ITCH: variants seen among roughly 807,000 people sequenced by gnomAD.
The protein encoded by ITCH is itchy E3 ubiquitin protein ligase, also known as E3 ubiquitin-protein ligase Itchy homolog.
Under a neutral mutation model 126.8 loss-of-function variants are expected in ITCH, and 28 were observed. The ratio of observed to expected loss-of-function variants is 0.22; its 90% confidence interval spans 0.16 to 0.30. The LOEUF (loss-of-function observed/expected upper bound fraction) is 0.30. ITCH is among the 10% of genes least tolerant of loss of function. The pLI, the probability that ITCH is intolerant of heterozygous loss-of-function variation, is 1.00. For synonymous variants in ITCH, 342 were observed against 340.0 expected, an observed-to-expected ratio of 1.01 and a Z score of -0.06; for missense variants, 631 against 1,032.4, an observed-to-expected ratio of 0.61 and a Z score of 5.33.
In ITCH at chr20:34,511,555, G is replaced by A. The variant is rs369768302; in HGVS notation, c.*3761G>A. ...CATCTGGATTGTGGTATTGTTCCCA[G>A]ACCAAATCAAGGGTTGGACTGCTTA... On this transcript the variant is annotated 3_prime_UTR_variant, in exon 25 of 25. Transcript: ENST00000374864. Among the ~76,000 whole-genome samples the A allele has an allele frequency of 2.0e-5, 3 of 152,090 alleles. No homozygotes were observed. Among genetic ancestry groups the A allele is most frequent in the African/African-American group, 4.8e-5 (2 of 41,416 alleles).
chr20:34,416,839 C>T (rs962720958), intron 6 of ITCH, among the ~76,000 whole-genome samples: 6 of 151,808 alleles, frequency 4.0e-5, no homozygotes, highest in Admixed American at 1.3e-4. Flanking sequence ...ATGGTGTTTT[C>T]CTTCAATGAA....
intron 12 of ITCH, among the ~76,000 whole-genome samples, chr20:34,456,982 A>C (rs1333061506): frequency 6.6e-6 from 1 of 151,328 alleles, no homozygotes; most frequent in Non-Finnish European, 1.5e-5. Flanking sequence ...CTTAATTCTG[A>C]GGTTTCAGGT....
chr20:34,492,721 T>G, intron 23 of ITCH, 124 bp downstream of exon 23: 2 of 730,188 alleles, frequency 2.7e-6, no homozygotes, highest in Admixed American at 3.9e-5. Context: ...CTATTCCCAG[T>G]TAGCATGGAT....
At chr20:34,424,110 T>C (rs1165043386) in intron 6 of ITCH, among the ~76,000 whole-genome samples, 1 of 152,216 alleles carries the variant, frequency 6.6e-6, no homozygotes, top group Non-Finnish European at 1.5e-5. Context: ...TCGATTTTAT[T>C]CTGCTGGCGA....
chr20:34,391,264 C>T (rs1294172119), intron 2 of ITCH, among the ~76,000 whole-genome samples: 3 of 152,152 alleles, frequency 2.0e-5, no homozygotes, highest in South Asian at 2.1e-4. Context: ...CCTATGACCA[C>T]GTACTTGAGT....
intron 16 of ITCH, chr20:34,476,060 C>G: frequency 8.1e-7 from 1 of 1,227,664 alleles, no homozygotes; most frequent in Non-Finnish European, 1.2e-6. Flanking sequence ...TATGCCAGAT[C>G]GAGCATGTGA....
rs544403958 is a variant in ITCH at position 34,482,156 on chromosome 20, G to T, written c.2093+950G>T. Among the ~76,000 whole-genome samples, 10 of 152,286 alleles carry T rather than the reference G, an allele frequency of 6.6e-5. No homozygotes were observed. In the South Asian group the frequency reaches 2.1e-3, roughly 32 times the overall value. ...CTCTCTTACAACACATGGGAATTAT[G>T]GGAGCTACAAGGTGAGATTTGGGTG... is the stretch of plus-strand genomic sequence containing the variant. On this transcript the variant is annotated intron_variant, in intron 20 of 24. Coordinates refer to ENST00000374864, the MANE Select transcript of ITCH (RefSeq NM_031483.7).
chr20:34,377,808 A>G (rs1036177316), intron 2 of ITCH, among the ~76,000 whole-genome samples: 1 of 151,688 alleles, frequency 6.6e-6, no homozygotes, highest in Admixed American at 6.6e-5. Context: ...TCAAGACTGC[A>G]GTGATTTACC....
At chr20:34,439,162 C>T (rs1239551421) in intron 8 of ITCH, among the ~76,000 whole-genome samples, 2 of 152,202 alleles carry the variant, frequency 1.3e-5, no homozygotes, top group Non-Finnish European at 2.9e-5. Flanking sequence ...TTTCTCTCTG[C>T]TAATATGTGG....
At chr20:34,476,387 AC>A in intron 16 of ITCH, 1 of 1,270,750 alleles carries the variant, frequency 7.9e-7, no homozygotes, top group Non-Finnish European at 9.9e-7. Context: ...CCAGCGCGGG[AC>A]CCGGCGTGGT....
intron 2 of ITCH, among the ~76,000 whole-genome samples, chr20:34,379,251 A>G (rs1037567706): frequency 6.6e-6 from 1 of 152,108 alleles, no homozygotes; most frequent in African/African-American, 2.4e-5. Context: ...TTGATTTTAT[A>G]TAGAAATTGA....
At chr20:34,456,204 ATATATATATATT>A (rs1985951487) in intron 12 of ITCH, among the ~76,000 whole-genome samples, 1 of 30,930 alleles carries the variant, frequency 3.2e-5, no homozygotes, top group African/African-American at 1.6e-4. Flanking sequence ...ATATATATAT[ATATATATATATT>A]TTTTTTTTTT....
chr20:34,493,156 ATTTCC>A (rs1989633249), intron 23 of ITCH, among the ~76,000 whole-genome samples: 1 of 152,248 alleles, frequency 6.6e-6, no homozygotes, highest in African/African-American at 2.4e-5. Flanking sequence ...AAATTCAAGT[ATTTCC>A]TTAATACCAA....
At chr20:34,442,880 GC>G (rs1247019078) in intron 10 of ITCH, among the ~76,000 whole-genome samples, 1 of 151,178 alleles carries the variant, frequency 6.6e-6, no homozygotes, top group African/African-American at 2.4e-5. Context: ...GGAGGCTGAG[GC>G]AGGAGAATGG....
Position 34,369,419 on chromosome 20 carries a change from G to T in ITCH, c.-73G>T, listed in dbSNP as rs1028037948. 1.8e-5 allele frequency: 7 copies of T among 398,952 alleles called. No individual in the cohort carries two copies. The highest frequency in any genetic ancestry group is 3.1e-5 in the Non-Finnish European group (7 of 226,094). 24.7% of individuals were successfully genotyped at this position (398,952 alleles called of 1,614,324 possible). A position where few individuals can be genotyped will look rare whatever the true frequency, so the allele number is the denominator to read the frequency against. ...GTACCATGCATTTCACGGTGGCCTT[G>T]TGGAGACAACGCCTTAACCCAAGGA... On this transcript the variant is annotated 5_prime_UTR_variant, in exon 2 of 25. Coordinates refer to ENST00000374864, the MANE Select transcript of ITCH (RefSeq NM_031483.7).
intron 12 of ITCH, among the ~76,000 whole-genome samples, chr20:34,451,980 G>A (rs146002169): frequency 1.3e-5 from 2 of 149,872 alleles, no homozygotes; most frequent in African/African-American, 4.9e-5. Context: ...GAGGTGGGAG[G>A]ATCACCTGAG....
chr20:34,446,959 A>G (rs952184799), intron 11 of ITCH, among the ~76,000 whole-genome samples: 4 of 152,218 alleles, frequency 2.6e-5, no homozygotes, highest in Non-Finnish European at 4.4e-5. Flanking sequence ...TAAAGTTCCA[A>G]TATATTTGGC....
intron 4 of ITCH, among the ~76,000 whole-genome samples, chr20:34,410,065 AAAG>A (rs942653241): frequency 4.6e-5 from 7 of 151,694 alleles, no homozygotes; most frequent in Non-Finnish European, 5.9e-5. Flanking sequence ...CAAAAAAAAA[AAAG>A]AAGAAAAAGA....
intron 22 of ITCH, among the ~76,000 whole-genome samples, chr20:34,491,716 G>C (rs545101803): frequency 6.6e-6 from 1 of 152,228 alleles, no homozygotes; most frequent in South Asian, 2.1e-4. Flanking sequence ...AAAAGTTTTT[G>C]GCTGAGGCAA....
Sources: gnomAD v4.1 joint callset for allele counts (sites outside exome capture counted in the v4.1 genomes callset) on GRCh38, gnomAD v4.1.1 for gene constraint, MANE v1.5 for transcripts, NCBI Gene and HGNC (gene_info 2026-07-23, HGNC 2026-07-21) for gene names.